Variants in MTUS2 observed in about 807,000 individuals in gnomAD.
The protein encoded by MTUS2 is microtubule-associated tumor suppressor candidate 2.
In MTUS2, 40 loss-of-function variants were observed where a neutral mutation model predicts 114.1. The ratio of observed to expected loss-of-function variants is 0.35; its 90% CI spans 0.27 to 0.46. The LOEUF (loss-of-function observed/expected upper bound fraction) is 0.46, where lower values mean the gene tolerates loss of function less well. Among genes scored for constraint, MTUS2 ranks in the 20% least tolerant of loss-of-function variants. The pLI is 1.00. For synonymous variants in MTUS2, 688 were observed against 672.0 expected, an observed-to-expected ratio of 1.02 and a Z score of -0.37; for missense variants, 1,679 against 1,705.4, an observed-to-expected ratio of 0.98 and a Z score of 0.27.
intron 4 of MTUS2, among the ~76,000 whole-genome samples, chr13:29,045,554 G>T (rs1308160956): frequency 6.6e-6 from 1 of 152,156 alleles, no homozygotes; most frequent in African/African-American, 2.4e-5. Flanking sequence ...CAATCATTGA[G>T]GGCAAGTGTA....
At chr13:29,087,945 GC>G (rs1356521471) in intron 4 of MTUS2, among the ~76,000 whole-genome samples, 1 of 151,924 alleles carries the variant, frequency 6.6e-6, no homozygotes, top group East Asian at 1.9e-4. Context: ...TGTAGTCCCA[GC>G]TACTTGGGAG....
At chr13:28,974,252 A>G (rs1185703629) in intron 2 of MTUS2, among the ~76,000 whole-genome samples, 3 of 152,168 alleles carry the variant, frequency 2.0e-5, no homozygotes, top group South Asian at 2.1e-4. Flanking sequence ...AGATATTTTT[A>G]TGCGTTTTCC....
In MTUS2 at chr13:29,025,881, A is replaced by T; in HGVS notation, c.1183A>T (p.Thr395Ser). Residue 395 changes from threonine to serine, a missense_variant, in exon 3 of 16, where the codon ACC becomes TCC. By Grantham distance (58) the Thr-to-Ser change is moderately conservative. Coordinates refer to ENST00000612955, the MANE Select transcript of MTUS2 (RefSeq NM_001033602.4). ...NPGEQDSLHTTPKQGSASLGG... is the reference protein window; with the variant it reads ...NPGEQDSLHTSPKQGSASLGG... ...AGGGGAGCAGGATTCTCTCCACACCACCCCCAAACAGGGCTCTGCTTCCTT... is the reference window on the plus strand; with the variant it reads ...AGGGGAGCAGGATTCTCTCCACACCTCCCCCAAACAGGGCTCTGCTTCCTT... 6.2e-7 allele frequency: 1 copy of T among 1,612,920 alleles called. No homozygotes were observed. The highest frequency in any genetic ancestry group is 8.5e-7 in the Non-Finnish European group (1 of 1,179,460).
chr13:28,914,802 C>G (rs547059161), intron 2 of MTUS2, among the ~76,000 whole-genome samples: 1 of 151,964 alleles, frequency 6.6e-6, no homozygotes, highest in Non-Finnish European at 1.5e-5. Flanking sequence ...GTAGTTAGTT[C>G]TTCTTGTTGA....
intron 5 of MTUS2, among the ~76,000 whole-genome samples, chr13:29,185,495 A>G (rs1012164519): frequency 6.6e-6 from 1 of 152,232 alleles, no homozygotes; most frequent in African/African-American, 2.4e-5. Flanking sequence ...TAATTAAACC[A>G]TGAAGATCTG....
chr13:29,174,727 C>T (rs929789053), intron 5 of MTUS2, among the ~76,000 whole-genome samples: 1 of 152,180 alleles, frequency 6.6e-6, no homozygotes, highest in Non-Finnish European at 1.5e-5. Flanking sequence ...AATTTCCCCT[C>T]TGCGTAGTAT....
chr13:29,024,517 A>G lies in MTUS2; in HGVS notation c.-182A>G. On this transcript the variant is annotated 5_prime_UTR_variant, in exon 3 of 16. Coordinates refer to ENST00000612955, the MANE Select transcript of MTUS2 (RefSeq NM_001033602.4). ...CCTAACAGATAAGTCTTCCTGCTGT[A>G]TATCAAGACAATGCTTGGTTTTCAA... 1 of 675,406 alleles carries G rather than the reference A, an allele frequency of 1.5e-6. No individual in the cohort carries two copies. Among genetic ancestry groups the G allele is most frequent in the Non-Finnish European group, 2.5e-6 (1 of 403,238 alleles). The allele number at this position is 675,406 out of a possible 1,614,324, so 41.8% of individuals were successfully genotyped here. A position where few individuals can be genotyped will look rare whatever the true frequency, so the allele number is the denominator to read the frequency against.
intron 8 of MTUS2, among the ~76,000 whole-genome samples, chr13:29,361,281 A>G (rs1368952198): frequency 6.6e-6 from 1 of 152,170 alleles, no homozygotes. Flanking sequence ...AGCAAGATGG[A>G]TGGTGGACAT....
chr13:29,498,489 T>G lies in MTUS2; in HGVS notation c.3750T>G (p.Asn1250Lys). 3 of 1,614,150 alleles carry G rather than the reference T, an allele frequency of 1.9e-6. No homozygotes were observed. The highest frequency in any genetic ancestry group is 2.5e-6 in the Non-Finnish European group (3 of 1,180,028). Residue 1250 changes from asparagine (N) to lysine (K), a missense_variant, in exon 14 of 16, where the codon AAT (asparagine) becomes AAG (lysine). Physicochemically the swap from Asn to Lys is moderately conservative, Grantham distance 94. Around this residue, in one of 3 missense-constraint regions of MTUS2, gnomAD observed 822 missense variants for 899.7 expected, o/e 0.91. Coordinates refer to ENST00000612955, the MANE Select transcript of MTUS2 (RefSeq NM_001033602.4). ...KSLKQVLEMK[N>K]QQIHEQEKKI... ...TGAAGCAGGTATTAGAAATGAAGAA[T>G]CAGCAAATACACGAGCAAGAAAAGA...
chr13:29,123,994 A>T (rs868208022), intron 5 of MTUS2, among the ~76,000 whole-genome samples: 2 of 152,220 alleles, frequency 1.3e-5, no homozygotes, highest in Non-Finnish European at 2.9e-5. Context: ...ATATTTGACT[A>T]TGTCATCCTT....
At chr13:29,235,388 C>T (rs1046444479) in intron 5 of MTUS2, among the ~76,000 whole-genome samples, 1 of 152,168 alleles carries the variant, frequency 6.6e-6, no homozygotes, top group African/African-American at 2.4e-5. Flanking sequence ...CGACCGCACC[C>T]GGCCAATAAT....
In MTUS2 at chr13:28,904,589, C is replaced by A. The variant is rs1047464932; in HGVS notation, c.-243+64739C>A. Among the ~76,000 whole-genome samples the A allele has an allele frequency of 5.7e-4, 86 of 152,102 alleles. 1 individual carries two copies. Among genetic ancestry groups the A allele is most frequent in the Non-Finnish European group, 1.2e-3 (79 of 68,016 alleles). On this transcript the variant is annotated intron_variant, in intron 2 of 15. Transcript: ENST00000612955. ...AGATATGCAGCATTATTTCTGAGGG[C>A]TGTGTTCTGTTCCATTGGTCTATAT...
intron 5 of MTUS2, among the ~76,000 whole-genome samples, chr13:29,247,923 C>T (rs183949657): frequency 1.3e-4 from 20 of 152,290 alleles, no homozygotes; most frequent in African/African-American, 4.1e-4. Context: ...GAAAAGAAGT[C>T]GTTTTAGGAA....
intron 2 of MTUS2, among the ~76,000 whole-genome samples, chr13:28,960,610 ATGT>A (rs1321527042): frequency 6.6e-6 from 1 of 152,228 alleles, no homozygotes; most frequent in Non-Finnish European, 1.5e-5. Flanking sequence ...AGAAGGTCAC[ATGT>A]TGTATGATTC....
At chr13:29,146,698 C>T (rs1346854859) in intron 5 of MTUS2, among the ~76,000 whole-genome samples, 1 of 152,064 alleles carries the variant, frequency 6.6e-6, no homozygotes, top group Non-Finnish European at 1.5e-5. Flanking sequence ...GACTAAATGC[C>T]AGTATAAAGA....
rs114553366 is a variant in MTUS2, at chr13:29,364,876, T to C, written c.3117+5403T>C. 3.3e-3 allele frequency among the ~76,000 whole-genome samples: 510 copies of C among 152,350 alleles called. 1 individual carries two copies. The highest frequency in any genetic ancestry group is 0.011 in the African/African-American group (458 of 41,578). ...TAGTGTTTTGTGCCTCTCCCACTTA[T>C]AAACGATGCTCTGCGATTATCTTCT... On this transcript the variant is annotated intron_variant, in intron 8 of 15. Transcript: ENST00000612955.
chr13:28,902,363 A>T (rs1443589138), intron 2 of MTUS2, among the ~76,000 whole-genome samples: 1 of 152,152 alleles, frequency 6.6e-6, no homozygotes, highest in Non-Finnish European at 1.5e-5. Context: ...TGTTGAATAA[A>T]AGTGGTGAGA....
intron 2 of MTUS2, among the ~76,000 whole-genome samples, chr13:28,889,713 T>A (rs1290335624): frequency 2.0e-5 from 3 of 152,132 alleles, no homozygotes; most frequent in Non-Finnish European, 4.4e-5. Context: ...TCTGAGATGC[T>A]CTAATTTTGT....
chr13:28,928,193 A>T (rs1881427067), intron 2 of MTUS2, among the ~76,000 whole-genome samples: 1 of 150,984 alleles, frequency 6.6e-6, no homozygotes, highest in East Asian at 1.9e-4. Flanking sequence ...TGACATGGGT[A>T]AAAAAAAAAT....
Sources: gnomAD v4.1 joint callset for allele counts (sites outside exome capture counted in the v4.1 genomes callset) on GRCh38, gnomAD v4.1.1 for gene constraint, gnomAD v4.1.1 regional missense constraint, MANE v1.5 for transcripts, NCBI Gene and HGNC (gene_info 2026-07-23, HGNC 2026-07-21) for gene names.